Variants in NPAS3 observed in about 807,000 individuals in gnomAD.
NPAS3 encodes neuronal PAS domain protein 3.
Under a neutral mutation model 73.1 loss-of-function variants are expected in NPAS3, and 14 were observed. The observed-to-expected ratio is 0.19, with a 90% CI of 0.13 to 0.30. NPAS3 has a LOEUF of 0.30. Among genes scored for constraint, NPAS3 ranks in the 10% least tolerant of loss-of-function variants. The pLI is 1.00. For missense variants in NPAS3, 1,096 were observed against 1,250.0 expected (o/e 0.88, Z 1.86); for synonymous variants, 620 against 541.5 (o/e 1.14, Z -2.01).
At chr14:33,757,145 G>A (rs560564532) in intron 7 of NPAS3, among the ~76,000 whole-genome samples, 1 of 152,178 alleles carries the variant, frequency 6.6e-6, no homozygotes, top group Non-Finnish European at 1.5e-5. Context: ...AGTTGTCTTG[G>A]CTTGGGACTG....
At chr14:33,781,958 C>T (rs2138534144) in intron 9 of NPAS3, among the ~76,000 whole-genome samples, 1 of 152,300 alleles carries the variant, frequency 6.6e-6, no homozygotes, top group Admixed American at 6.5e-5. Flanking sequence ...TACTCTTCCA[C>T]TAAGTTAACA....
chr14:33,431,010 T>C (rs1008883857), intron 4 of NPAS3, among the ~76,000 whole-genome samples: 4 of 152,190 alleles, frequency 2.6e-5, no homozygotes, highest in Admixed American at 1.3e-4. Context: ...AAGCTCCTTT[T>C]ACAAATACAA....
chr14:33,681,393 T>G (rs1318486507), intron 6 of NPAS3, among the ~76,000 whole-genome samples: 1 of 152,108 alleles, frequency 6.6e-6, no homozygotes, highest in Non-Finnish European at 1.5e-5. Context: ...CCAACCCCAG[T>G]CCCCAGACAA....
chr14:33,690,763 T>C (rs12891186), intron 6 of NPAS3, among the ~76,000 whole-genome samples: 28,817 of 152,002 alleles, frequency 0.19, 2,892 homozygotes, highest in African/African-American at 0.24. Flanking sequence ...CTAATATTTT[T>C]CATCATGTTT....
chr14:33,172,918 G>T (rs973913745), intron 2 of NPAS3, among the ~76,000 whole-genome samples: 1 of 151,794 alleles, frequency 6.6e-6, no homozygotes, highest in African/African-American at 2.4e-5. Flanking sequence ...GAAAAAGGAG[G>T]TTATTATTAA....
chr14:33,551,697 C>G (rs2055123855), intron 4 of NPAS3, among the ~76,000 whole-genome samples: 1 of 152,188 alleles, frequency 6.6e-6, no homozygotes, highest in East Asian at 1.9e-4. Context: ...TCCAGTCTTA[C>G]ATACCAGCTG....
At chr14:33,640,058 C>T (rs927442877) in intron 5 of NPAS3, among the ~76,000 whole-genome samples, 4 of 151,992 alleles carry the variant, frequency 2.6e-5, no homozygotes, top group African/African-American at 9.7e-5. Context: ...TCTCTACTAA[C>T]ATACAAAAAT....
chr14:33,624,305 T>C (rs2058162109), intron 5 of NPAS3, among the ~76,000 whole-genome samples: 1 of 152,320 alleles, frequency 6.6e-6, no homozygotes, highest in South Asian at 2.1e-4. Flanking sequence ...AGAGCTAGAA[T>C]CAAGATCACC....
At chr14:33,224,429 A>G (rs1594440551) in intron 3 of NPAS3, among the ~76,000 whole-genome samples, 1 of 152,164 alleles carries the variant, frequency 6.6e-6, no homozygotes, top group African/African-American at 2.4e-5. Context: ...GTGAAAACTA[A>G]TGTGTCTTTG....
intron 4 of NPAS3, among the ~76,000 whole-genome samples, chr14:33,450,370 A>G (rs1368449446): frequency 6.6e-6 from 1 of 152,214 alleles, no homozygotes; most frequent in Non-Finnish European, 1.5e-5. Flanking sequence ...AGAAGCGTAG[A>G]CTACAGAAAC....
intron 6 of NPAS3, among the ~76,000 whole-genome samples, chr14:33,696,654 G>A (rs932254103): frequency 3.9e-5 from 6 of 152,134 alleles, no homozygotes; most frequent in Non-Finnish European, 8.8e-5. Flanking sequence ...TAGATTATCC[G>A]ATGAAATTCA....
intron 2 of NPAS3, among the ~76,000 whole-genome samples, chr14:33,187,318 G>A (rs565767953): frequency 2.0e-5 from 3 of 152,200 alleles, no homozygotes; most frequent in Non-Finnish European, 4.4e-5. Context: ...TCATGCCCAT[G>A]GGGTTTCATG....
At chr14:32,954,166 C>G (rs566176648) in intron 1 of NPAS3, among the ~76,000 whole-genome samples, 3 of 152,130 alleles carry the variant, frequency 2.0e-5, no homozygotes, top group African/African-American at 7.2e-5. Context: ...CCCCAAATTT[C>G]TTAAGCATTA....
chr14:33,380,126 T>A (rs1269320521), intron 4 of NPAS3, among the ~76,000 whole-genome samples: 1 of 151,994 alleles, frequency 6.6e-6, no homozygotes, highest in East Asian at 1.9e-4. Context: ...TTTTTGTAGA[T>A]CAACCAAAAT....
At position 33,550,497 on chromosome 14, in the gene NPAS3, C is replaced by T. The variant is rs147442058; in HGVS notation, c.469-9624C>T. Among the ~76,000 whole-genome samples, 319 of 152,332 alleles carry T rather than the reference C, an allele frequency of 2.1e-3. 1 individual carries two copies. Among genetic ancestry groups the T allele is most frequent in the African/African-American group, 7.2e-3 (301 of 41,578 alleles). On this transcript the variant is annotated intron_variant, in intron 4 of 11. Coordinates refer to ENST00000356141, the Ensembl canonical transcript of NPAS3. ...TAAAAATCTATAATCTTTTTTACTT[C>T]TCATGTGTTACATAGTCTGGCACAT...
chr14:33,511,799 A>G (rs1207295568), intron 4 of NPAS3, among the ~76,000 whole-genome samples: 1 of 152,074 alleles, frequency 6.6e-6, no homozygotes, highest in African/African-American at 2.4e-5. Context: ...TTTTTTTTCC[A>G]TGGGACATTT....
At chr14:33,462,507 G>A (rs754772209) in intron 4 of NPAS3, among the ~76,000 whole-genome samples, 5 of 152,102 alleles carry the variant, frequency 3.3e-5, no homozygotes, top group African/African-American at 9.7e-5. Flanking sequence ...TGACATAGAC[G>A]GCGACTGTTC....
chr14:33,538,730 G>T (rs778140863), intron 4 of NPAS3, among the ~76,000 whole-genome samples: 9 of 152,132 alleles, frequency 5.9e-5, no homozygotes, highest in Non-Finnish European at 8.8e-5. Flanking sequence ...TTACATAAAG[G>T]CTTGATTAAA....
At chr14:33,394,731 T>C (rs2047150670) in intron 4 of NPAS3, among the ~76,000 whole-genome samples, 4 of 152,196 alleles carry the variant, frequency 2.6e-5, no homozygotes, top group African/African-American at 9.6e-5. Flanking sequence ...TGAAGTCAGT[T>C]GAAATCCAAA....
Sources: allele counts gnomAD v4.1 joint callset (sites outside exome capture counted in the v4.1 genomes callset), GRCh38; gene constraint gnomAD v4.1.1; transcripts MANE v1.5; gene names NCBI Gene and HGNC (gene_info 2026-07-23, HGNC 2026-07-21).